Variants in PIN4 observed in about 807,000 individuals in gnomAD.
PIN4 encodes peptidylprolyl cis/trans isomerase, NIMA-interacting 4.
A neutral mutation model predicts 8.3 loss-of-function variants in PIN4; 3 were observed. That is an observed-to-expected ratio of 0.36 (90% confidence interval 0.16 to 0.93). PIN4 has a LOEUF of 0.93. PIN4 is among the 40% of genes least tolerant of loss of function. The probability of loss-of-function intolerance (pLI) is 0.44; values close to 1 mark genes in which losing one functional copy is unlikely to be tolerated. For synonymous variants in PIN4, 18 were observed against 32.5 expected (o/e 0.55, Z 1.52); for missense variants, 75 against 100.6 (o/e 0.75, Z 1.09).
chrX:72,213,520 G>A (rs868356119), intron 3 of PIN4, among the ~76,000 whole-genome samples: 1 of 110,516 alleles, frequency 9.0e-6, no homozygotes, highest in African/African-American at 3.3e-5. Flanking sequence ...GTTACGGCTC[G>A]AGCTGAGCTT....
chrX:72,202,366 A>AG (rs2042793328), downstream of PIN4, among the ~76,000 whole-genome samples: 1 of 112,615 alleles, frequency 8.9e-6, no homozygotes, highest in African/African-American at 3.2e-5. Context: ...ATTTTCAGTG[A>AG]GAAATATTCC....
In PIN4 at chrX:72,248,291, G is replaced by GAAAAAAAAAA. The variant is rs55908553; in HGVS notation, c.313-14380_313-14371dup. On this transcript the variant is annotated intron_variant, in intron 3 of 3. Transcript: ENST00000423432. ...CCTAGGACATAGCTTGCTCCATCCA[G>GAAAAAAAAAA]AAAAAAAAAAAAAAAAAAAAAAAAA... Among the ~76,000 whole-genome samples, 2 of 54,899 alleles carry GAAAAAAAAAA rather than the reference G, an allele frequency of 3.6e-5. 1 individual carries two copies. Among genetic ancestry groups the GAAAAAAAAAA allele is most frequent in the Non-Finnish European group, 8.3e-5 (2 of 24,028 alleles). The allele number at this position is 54,899 out of a possible 115,157, so 47.7% of individuals were successfully genotyped here.
intron 3 of PIN4, among the ~76,000 whole-genome samples, chrX:72,253,794 A>C (rs751768383): frequency 5.6e-5 from 6 of 107,950 alleles, no homozygotes; most frequent in African/African-American, 2.0e-4. Flanking sequence ...AAAAGAAAAC[A>C]AAACAAAACA....
chrX:72,183,620 C>T (rs758775922), intron 1 of PIN4, among the ~76,000 whole-genome samples: 8 of 111,762 alleles, frequency 7.2e-5, no homozygotes, highest in African/African-American at 2.6e-4. Flanking sequence ...GCCAGATTAC[C>T]GTGACTAGAG....
At chrX:72,214,106 G>A (rs1395648798) in intron 3 of PIN4, among the ~76,000 whole-genome samples, 1 of 112,208 alleles carries the variant, frequency 8.9e-6, no homozygotes, top group Non-Finnish European at 1.9e-5. Flanking sequence ...CTGAATGCCA[G>A]TATTGAAAAC....
chrX:72,202,128 T>G (rs1315721012), downstream of PIN4, among the ~76,000 whole-genome samples: 1 of 112,864 alleles, frequency 8.9e-6, no homozygotes, highest in Non-Finnish European at 1.9e-5. Context: ...GACCCTATTT[T>G]CCTGCTTCAC....
At chrX:72,191,935 ATTCGTGGGTTTTTTTG>A (rs1182711707) in intron 2 of PIN4, among the ~76,000 whole-genome samples, 1 of 109,307 alleles carries the variant, frequency 9.1e-6, no homozygotes, top group Non-Finnish European at 1.9e-5. Context: ...GACCTTTAAA[ATTCGTGGGTTTTTTTG>A]TTTTTGTTTT....
chrX:72,205,503 G>C lies in PIN4; in HGVS notation c.312+8599G>C, dbSNP rs969727890. 3 of 1,211,344 alleles carry C rather than the reference G, an allele frequency of 2.5e-6. No homozygotes were observed. In the Admixed American group the frequency reaches 6.5e-5, roughly 26 times the overall value. On this transcript the variant is annotated intron_variant, in intron 3 of 3. Transcript: ENST00000423432. ...TCCTAGAAGCCAGAGATCTTCTAGA[G>C]TTCATAGACTTATTTACACTACTGG...
rs1203783827 is a variant in PIN4, at chrX:72,248,294, A to G, written c.313-14413A>G. Among the ~76,000 whole-genome samples, 10 of 3,236 alleles carry G rather than the reference A, an allele frequency of 3.1e-3. No homozygotes were observed. In the African/African-American group the frequency reaches 0.034, roughly 11 times the overall value. 2.8% of individuals were successfully genotyped at this position (3,236 alleles called of 115,157 possible). A position where few individuals can be genotyped will look rare whatever the true frequency, so the allele number is the denominator to read the frequency against. ...AGGACATAGCTTGCTCCATCCAGAA[A>G]AAAAAAAAAAAAAAAAAAAAAAAAA... On this transcript the variant is annotated intron_variant, in intron 3 of 3. Coordinates refer to the PIN4 transcript ENST00000423432.
At position 72,198,026 on chromosome X, in the gene PIN4, G is replaced by T; in HGVS notation, c.*500G>T. The T allele has an allele frequency of 1.4e-6, 1 of 739,959 alleles. No individual in the cohort carries two copies. The highest frequency in any genetic ancestry group is 1.6e-6 in the Non-Finnish European group (1 of 625,965). The allele number at this position is 739,959 out of a possible 1,213,427, so 61.0% of individuals were successfully genotyped here. Reference sequence around the variant, plus strand: ...CTCCACTGTCTTAACATAGTACGTGGCACGTTATGCCTTTCAGTGTTAACT... The same window carrying T: ...CTCCACTGTCTTAACATAGTACGTGTCACGTTATGCCTTTCAGTGTTAACT... On this transcript the variant is annotated 3_prime_UTR_variant, in exon 4 of 4. Coordinates refer to ENST00000373669, the MANE Select transcript of PIN4 (RefSeq NM_006223.4).
At chrX:72,230,733 G>T (rs2042978697) in intron 3 of PIN4, among the ~76,000 whole-genome samples, 1 of 111,934 alleles carries the variant, frequency 8.9e-6, no homozygotes, top group African/African-American at 3.2e-5. Context: ...GAGGCCTAGG[G>T]TGGGCAGATC....
chrX:72,240,088 C>CAAA (rs750258594), intron 3 of PIN4, among the ~76,000 whole-genome samples: 2 of 48,198 alleles, frequency 4.1e-5, no homozygotes, highest in African/African-American at 7.4e-5. Flanking sequence ...GACTCCATCT[C>CAAA]AAAAAAAAAA....
At chrX:72,222,698 A>AGCG (rs1387631653) in intron 3 of PIN4, among the ~76,000 whole-genome samples, 1 of 107,690 alleles carries the variant, frequency 9.3e-6, no homozygotes, top group Non-Finnish European at 1.9e-5. Flanking sequence ...CCCAGGTTCA[A>AGCG]GCGATTCTCC....
chrX:72,255,545 C>T (rs1243287238), intron 3 of PIN4: 1 of 110,306 alleles, frequency 9.1e-6, no homozygotes, highest in Non-Finnish European at 1.9e-5. Context: ...GCGCACCGCT[C>T]CCCCACCTGA....
chrX:72,200,131 A>G (rs566683195), downstream of PIN4, among the ~76,000 whole-genome samples: 2 of 106,866 alleles, frequency 1.9e-5, no homozygotes, highest in Non-Finnish European at 1.9e-5. Flanking sequence ...GCGCCACTGC[A>G]CTCCAGTCTG....
intron 3 of PIN4, among the ~76,000 whole-genome samples, chrX:72,258,594 C>T (rs903574995): frequency 7.2e-5 from 8 of 111,639 alleles, no homozygotes; most frequent in African/African-American, 2.6e-4. Context: ...CCTACCCCCA[C>T]CTCCAGAACC....
At chrX:72,210,032 A>G (rs1381031098) in intron 3 of PIN4, among the ~76,000 whole-genome samples, 2 of 108,666 alleles carry the variant, frequency 1.8e-5, no homozygotes, top group African/African-American at 6.7e-5. Context: ...GCAATATCTT[A>G]AATATGATGC....
chrX:72,205,548 CCT>C (rs1569489617), intron 3 of PIN4: 1 of 1,211,006 alleles, frequency 8.3e-7, no homozygotes, highest in Admixed American at 2.2e-5. Flanking sequence ...ATGAAAAGAA[CCT>C]TCCTGGTGGA....
intron 3 of PIN4, among the ~76,000 whole-genome samples, chrX:72,247,926 A>T (rs983438446): frequency 9.0e-6 from 1 of 111,552 alleles, no homozygotes; most frequent in African/African-American, 3.3e-5. Flanking sequence ...ACTAGGGCAC[A>T]TTGAGGGTAT....
Sources: gnomAD v4.1 joint callset for allele counts (sites outside exome capture counted in the v4.1 genomes callset) on GRCh38, gnomAD v4.1.1 for gene constraint, MANE v1.5 for transcripts, NCBI Gene and HGNC (gene_info 2026-07-23, HGNC 2026-07-21) for gene names.